The following PTPN1 variants were observed in gnomAD, a reference collection of about 807,000 sequenced individuals.
PTPN1 encodes tyrosine-protein phosphatase non-receptor type 1.
In PTPN1, 12 loss-of-function variants were observed where a neutral mutation model predicts 59.9. That is an observed-to-expected ratio of 0.20 (90% CI 0.13 to 0.32). The LOEUF (loss-of-function observed/expected upper bound fraction) is 0.32. Among genes scored for constraint, PTPN1 ranks in the 10% least tolerant of loss-of-function variants. The pLI, the probability that PTPN1 is intolerant of heterozygous loss-of-function variation, is 1.00. For synonymous variants in PTPN1, 178 were observed against 203.6 expected (o/e 0.87, Z 1.07); for missense variants, 356 against 549.2 (o/e 0.65, Z 3.52).
At position 50,584,251 on chromosome 20, in the gene PTPN1, CCTG is replaced by C. The variant is rs2082885685; in HGVS notation, c.*1538_*1540del. The C allele has an allele frequency of 5.2e-5, 8 of 152,666 alleles. No individual in the cohort carries two copies. The South Asian group carries it at 1.7e-3, about 32-fold the overall frequency. 9.5% of individuals were successfully genotyped at this position (152,666 alleles called of 1,614,324 possible). ...GTGGTGGGAACATTCGAGGTGTCAC[CCTG>C]CAGAGCTATGGTGAGGTGTGGATAA... On this transcript the variant is annotated 3_prime_UTR_variant, in exon 10 of 10. Coordinates refer to ENST00000371621, the MANE Select transcript of PTPN1 (RefSeq NM_002827.4).
At chr20:50,527,106 G>C (rs2082579657) in intron 1 of PTPN1, among the ~76,000 whole-genome samples, 1 of 152,100 alleles carries the variant, frequency 6.6e-6, no homozygotes, top group Non-Finnish European at 1.5e-5. Context: ...TTGCAATAAG[G>C]GGTTGGTGAC....
chr20:50,526,303 A>T (rs1401949295), intron 1 of PTPN1, among the ~76,000 whole-genome samples: 1 of 151,244 alleles, frequency 6.6e-6, no homozygotes, highest in Admixed American at 6.6e-5. Flanking sequence ...CTGGTCTTGA[A>T]CTCCTAAACT....
chr20:50,581,164 A>C lies in PTPN1; in HGVS notation c.1089-101A>C, dbSNP rs1258953017. ...GTTAACATCATCCAACTCTGTCTAC[A>C]CGTGGCTTGTTTTTTCCTAGAATTC... On this transcript the variant is annotated intron_variant, in intron 8 of 9. Transcript: ENST00000371621. 3.4e-6 allele frequency: 5 copies of C among 1,482,204 alleles called. 1 individual carries two copies. The African/African-American group carries it at 4.2e-5, about 12-fold the overall frequency. 91.8% of individuals were successfully genotyped at this position (1,482,204 alleles called of 1,614,324 possible).
chr20:50,562,154 A>G (rs1019739523), intron 2 of PTPN1, among the ~76,000 whole-genome samples: 2 of 151,888 alleles, frequency 1.3e-5, no homozygotes, highest in Non-Finnish European at 2.9e-5. Context: ...GGCCTTTTTG[A>G]CCCCCTTCCA....
chr20:50,579,008 C>A (rs2082851306), intron 6 of PTPN1, among the ~76,000 whole-genome samples, 160 bp from the exon 7 acceptor site: 1 of 152,182 alleles, frequency 6.6e-6, no homozygotes, highest in African/African-American at 2.4e-5. Context: ...TCATGAGGGA[C>A]CTGTCCCCCT....
intron 1 of PTPN1, among the ~76,000 whole-genome samples, chr20:50,537,839 C>G (rs1394329620): frequency 6.6e-6 from 1 of 152,066 alleles, no homozygotes; most frequent in African/African-American, 2.4e-5. Context: ...GAATGCCGTT[C>G]AAAATGGACT....
rs11481722 is a variant in PTPN1 at position 50,554,380 on chromosome 20, A to ATTCTCTCTCTC, written c.64-6982_64-6981insTCTCTCTCTCT. 2.6e-3 allele frequency among the ~76,000 whole-genome samples: 363 copies of ATTCTCTCTCTC among 140,266 alleles called. 7 individuals carry two copies. Among genetic ancestry groups the ATTCTCTCTCTC allele is most frequent in the Middle Eastern group, 7.5e-3 (2 of 266 alleles). The allele number at this position is 140,266 out of a possible 152,430, so 92.0% of individuals were successfully genotyped here. A position where few individuals can be genotyped will look rare whatever the true frequency, so the allele number is the denominator to read the frequency against. On this transcript the variant is annotated intron_variant, in intron 1 of 9. Transcript: ENST00000371621. ...CCAGCCTAGGCAACAGCAAGACCAC[A>ATTCTCTCTCTC]TCTCTCTCTCTCTCTCTCTCTCTCT...
intron 1 of PTPN1, among the ~76,000 whole-genome samples, chr20:50,549,747 T>A (rs1410758866): frequency 2.0e-5 from 3 of 152,238 alleles, no homozygotes; most frequent in African/African-American, 4.8e-5. Context: ...TTTTCTTTAT[T>A]ATTAAACAGT....
At chr20:50,545,705 G>A (rs138001672) in intron 1 of PTPN1, among the ~76,000 whole-genome samples, 4 of 152,150 alleles carry the variant, frequency 2.6e-5, no homozygotes, top group Non-Finnish European at 5.9e-5. Context: ...GCCTTTGAAC[G>A]ATTCATTCTG....
At chr20:50,536,297 C>G (rs1464565100) in intron 1 of PTPN1, among the ~76,000 whole-genome samples, 1 of 152,170 alleles carries the variant, frequency 6.6e-6, no homozygotes, top group Non-Finnish European at 1.5e-5. Context: ...TTGGCGCTTA[C>G]TTCATTTAAA....
intron 4 of PTPN1, chr20:50,574,059 G>GCCTC (rs1160945409): frequency 6.5e-6 from 1 of 153,656 alleles, no homozygotes. Context: ...TCTCCAAAGG[G>GCCTC]CCTCACCTGC....
At chr20:50,530,560 T>C (rs1397291970) in intron 1 of PTPN1, among the ~76,000 whole-genome samples, 4 of 151,916 alleles carry the variant, frequency 2.6e-5, no homozygotes, top group Non-Finnish European at 5.9e-5. Context: ...GGTTTCACCA[T>C]GTTGGTCAGG....
intron 2 of PTPN1, among the ~76,000 whole-genome samples, chr20:50,563,275 G>A (rs1425853805): frequency 6.6e-6 from 1 of 152,106 alleles, no homozygotes; most frequent in Non-Finnish European, 1.5e-5. Context: ...TGAAGGTTAT[G>A]GGGGAGAATG....
chr20:50,569,297 G>A (rs1052683219), intron 4 of PTPN1, among the ~76,000 whole-genome samples: 3 of 152,164 alleles, frequency 2.0e-5, no homozygotes, highest in Non-Finnish European at 2.9e-5. Context: ...CACCACTCTT[G>A]GAACTTTAGC....
chr20:50,541,021 G>A (rs1206952426), intron 1 of PTPN1, among the ~76,000 whole-genome samples: 3 of 152,192 alleles, frequency 2.0e-5, no homozygotes, highest in Non-Finnish European at 4.4e-5. Context: ...GTGTCAGATA[G>A]AATGTACTAC....
At chr20:50,565,120 A>C (rs1174745466) in intron 3 of PTPN1, 51 bp downstream of exon 3, 6 of 1,564,374 alleles carry the variant, frequency 3.8e-6, no homozygotes, top group Non-Finnish European at 5.2e-6. Context: ...AGAGTTTGAG[A>C]GTGCTGTTAT....
rs773688523 is a variant in PTPN1, at chr20:50,579,759, C to G, written c.921C>G (p.Pro307=). ...TGGAGCCCCCACCCGAGCATATCCC[C>G]CCACCTCCCCGGCCACCCAAACGAA... ...EDLEPPPEHI[P]PPPRPPKRIL... Residue 307 remains proline (P), a synonymous_variant, in exon 8 of 10, where the codon CCC becomes CCG. Coordinates refer to ENST00000371621, the MANE Select transcript of PTPN1 (RefSeq NM_002827.4). 1.2e-6 allele frequency: 2 copies of G among 1,613,578 alleles called. No homozygotes were observed.
intron 1 of PTPN1, among the ~76,000 whole-genome samples, chr20:50,548,498 T>TCAGTCATAGA (rs1334179967): frequency 6.6e-6 from 1 of 151,934 alleles, no homozygotes; most frequent in Admixed American, 6.6e-5. Flanking sequence ...TAGTCATAGC[T>TCAGTCATAGA]CACTGCAGCC....
intron 3 of PTPN1, among the ~76,000 whole-genome samples, chr20:50,567,387 C>A (rs3787342): frequency 0.63 from 95,335 of 151,760 alleles, 29,879 homozygotes; most frequent in Middle Eastern, 0.78. Context: ...GGATTGCGCC[C>A]CTGTACTCCA....
Sources: allele counts gnomAD v4.1 joint callset (sites outside exome capture counted in the v4.1 genomes callset), GRCh38; gene constraint gnomAD v4.1.1; transcripts MANE v1.5; gene names NCBI Gene and HGNC (gene_info 2026-07-23, HGNC 2026-07-21).